Variants in SGCZ observed in about 807,000 individuals in gnomAD.
The protein encoded by SGCZ is zeta-sarcoglycan.
Under a neutral mutation model 41.3 loss-of-function variants are expected in SGCZ, and 40 were observed. The ratio of observed to expected loss-of-function variants is 0.97; its 90% CI spans 0.75 to 1.26. The LOEUF is 1.26. Among genes scored for constraint, SGCZ ranks in the 50% most tolerant of loss-of-function variants. The probability of loss-of-function intolerance (pLI) is 0.00; values close to 1 mark genes in which losing one functional copy is unlikely to be tolerated. For synonymous variants in SGCZ, 206 were observed against 137.5 expected, an observed-to-expected ratio of 1.50 and a Z score of -3.49; for missense variants, 552 against 369.8, an observed-to-expected ratio of 1.49 and a Z score of -4.04.
intron 1 of SGCZ, among the ~76,000 whole-genome samples, chr8:14,603,351 G>A (rs1435692994): frequency 6.6e-6 from 1 of 152,048 alleles, no homozygotes; most frequent in African/African-American, 2.4e-5. Flanking sequence ...ATTTGAGCAT[G>A]TCTCACAGCA....
chr8:15,090,348 T>C (rs1011971590), intron 1 of SGCZ, among the ~76,000 whole-genome samples: 1 of 152,222 alleles, frequency 6.6e-6, no homozygotes, highest in African/African-American at 2.4e-5. Context: ...TCATCCTGAA[T>C]ATGGTTTCTG....
chr8:14,099,259 A>T (rs1801937546), intron 7 of SGCZ, among the ~76,000 whole-genome samples: 1 of 152,144 alleles, frequency 6.6e-6, no homozygotes, highest in Non-Finnish European at 1.5e-5. Context: ...TCTAAAATTG[A>T]TATGGCTCTT....
intron 1 of SGCZ, among the ~76,000 whole-genome samples, chr8:14,712,233 A>C: frequency 6.6e-6 from 1 of 152,228 alleles, no homozygotes; most frequent in East Asian, 1.9e-4. Flanking sequence ...ACCTTATAAA[A>C]GTATTCCCCC....
In SGCZ at chr8:14,434,715, A is replaced by T. The variant is rs566807508; in HGVS notation, c.235-110511T>A. Among the ~76,000 whole-genome samples, 27 of 151,846 alleles carry T rather than the reference A, an allele frequency of 1.8e-4. No homozygotes were observed. In the East Asian group the frequency reaches 3.9e-3, roughly 22 times the overall value. On this transcript the variant is annotated intron_variant, in intron 2 of 7. Coordinates refer to ENST00000382080, the MANE Select transcript of SGCZ (RefSeq NM_139167.4). ...GCTAGGTATAGTTCCAAATATTTTA[A>T]TTTTTTTTGCAACAGCTATTGTAAA...
intron 1 of SGCZ, among the ~76,000 whole-genome samples, chr8:14,653,541 A>T (rs1391035309): frequency 1.3e-5 from 2 of 152,124 alleles, no homozygotes; most frequent in Non-Finnish European, 2.9e-5. Context: ...AACAACAAAA[A>T]TCTTTTAATC....
chr8:14,716,057 T>C (rs1809678640), intron 1 of SGCZ, among the ~76,000 whole-genome samples: 1 of 152,040 alleles, frequency 6.6e-6, no homozygotes. Flanking sequence ...TAGAAATGCT[T>C]CGGAAAATAC....
chr8:14,834,707 T>C (rs1802639335), intron 1 of SGCZ, among the ~76,000 whole-genome samples: 1 of 152,176 alleles, frequency 6.6e-6, no homozygotes, highest in East Asian at 1.9e-4. Flanking sequence ...TAGTCCCAAC[T>C]AATTTTGAAG....
chr8:14,886,123 G>T (rs1249657973), intron 1 of SGCZ, among the ~76,000 whole-genome samples: 1 of 148,490 alleles, frequency 6.7e-6, no homozygotes, highest in Non-Finnish European at 1.5e-5. Context: ...TCTATCCCAT[G>T]CATGCTCATA....
chr8:14,896,893 G>C (rs141821710), intron 1 of SGCZ, among the ~76,000 whole-genome samples: 3 of 151,762 alleles, frequency 2.0e-5, no homozygotes, highest in African/African-American at 7.3e-5. Context: ...CGATTCTCCC[G>C]CCTCAGCCCT....
intron 2 of SGCZ, among the ~76,000 whole-genome samples, chr8:14,425,628 A>C (rs892587278): frequency 8.1e-6 from 1 of 122,830 alleles, no homozygotes; most frequent in East Asian, 2.3e-4. Context: ...CTCAAAAAGA[A>C]AAAGAAAAAG....
intron 3 of SGCZ, among the ~76,000 whole-genome samples, chr8:14,240,348 AAAAAAAAG>A (rs1218556738): frequency 1.9e-4 from 27 of 144,546 alleles, no homozygotes; most frequent in East Asian, 1.8e-3. Context: ...AAAAAAAAAA[AAAAAAAAG>A]AACTGAAAGT....
At chr8:14,808,200 G>T (rs13439115) in intron 1 of SGCZ, among the ~76,000 whole-genome samples, 23,868 of 152,064 alleles carry the variant, frequency 0.16, 4,698 homozygotes, top group African/African-American at 0.46. Flanking sequence ...AACACCAAAA[G>T]CAATGGCAAC....
intron 1 of SGCZ, among the ~76,000 whole-genome samples, chr8:14,616,157 C>T (rs1206585295): frequency 6.6e-6 from 1 of 152,016 alleles, no homozygotes; most frequent in Non-Finnish European, 1.5e-5. Context: ...GGAGCGGGCG[C>T]CTCTAGTCCC....
chr8:14,696,593 C>A lies in SGCZ; in HGVS notation c.40-141667G>T, dbSNP rs190545705. On this transcript the variant is annotated intron_variant, in intron 1 of 7. Coordinates refer to ENST00000382080, the MANE Select transcript of SGCZ (RefSeq NM_139167.4). ...TATTTCTAACAGTTCTTTTTGATGG[C>A]CTTTTATTTTCAACATTTATCGTTA... Among the ~76,000 whole-genome samples, 8 of 152,126 alleles carry A rather than the reference C, an allele frequency of 5.3e-5. No individual in the cohort carries two copies. The East Asian group carries it at 1.5e-3, about 29-fold the overall frequency.
intron 1 of SGCZ, among the ~76,000 whole-genome samples, chr8:14,920,214 G>A (rs922702622): frequency 6.6e-6 from 1 of 152,090 alleles, no homozygotes; most frequent in African/African-American, 2.4e-5. Flanking sequence ...TAGTGGAACA[G>A]GATGCCAGAC....
At chr8:14,383,985 A>G (rs986940447) in intron 2 of SGCZ, among the ~76,000 whole-genome samples, 12 of 151,482 alleles carry the variant, frequency 7.9e-5, no homozygotes. Flanking sequence ...TATTATTATT[A>G]TATTTTAAAT....
chr8:14,571,102 A>G (rs1394147021), intron 1 of SGCZ, among the ~76,000 whole-genome samples: 2 of 152,158 alleles, frequency 1.3e-5, no homozygotes, highest in Non-Finnish European at 2.9e-5. Context: ...ATGGCTGAGG[A>G]GGCCTCAGGA....
In SGCZ at chr8:14,116,118, G is replaced by A. The variant is rs536780923; in HGVS notation, c.548-7883C>T. On this transcript the variant is annotated intron_variant, in intron 5 of 7. Coordinates refer to ENST00000382080, the MANE Select transcript of SGCZ (RefSeq NM_139167.4). Reference sequence around the variant, plus strand: ...AGTAAAGAAATTGTCTAAAACAGATGGTACATAATTGTCTTTGGGGGCTTC... The same window carrying A: ...AGTAAAGAAATTGTCTAAAACAGATAGTACATAATTGTCTTTGGGGGCTTC... Among the ~76,000 whole-genome samples, 6 of 151,926 alleles carry A rather than the reference G, an allele frequency of 3.9e-5. No individual in the cohort carries two copies. In the East Asian group the frequency reaches 7.8e-4, roughly 20 times the overall value.
At chr8:15,170,255 C>G (rs1433803861) in intron 1 of SGCZ, among the ~76,000 whole-genome samples, 1 of 152,176 alleles carries the variant, frequency 6.6e-6, no homozygotes, top group East Asian at 1.9e-4. Flanking sequence ...TCATACATGA[C>G]TTGTCTCTTC....
Sources: gnomAD v4.1 joint callset for allele counts (sites outside exome capture counted in the v4.1 genomes callset) on GRCh38, gnomAD v4.1.1 for gene constraint, MANE v1.5 for transcripts, NCBI Gene and HGNC (gene_info 2026-07-23, HGNC 2026-07-21) for gene names.